The following SFRP2 variants were observed in gnomAD, a reference collection of about 807,000 sequenced individuals.
The protein encoded by SFRP2 is secreted frizzled-related protein 2.
SFRP2 carries 16 observed loss-of-function variants against 26.0 expected under a neutral mutation model. The observed-to-expected ratio is 0.61, with a 90% CI of 0.42 to 0.93. The LOEUF is 0.93. Among genes scored for constraint, SFRP2 ranks in the 40% least tolerant of loss-of-function variants. The probability of loss-of-function intolerance (pLI) is 0.00; values close to 1 mark genes in which losing one functional copy is unlikely to be tolerated. For missense variants in SFRP2, 343 were observed against 392.4 expected (o/e 0.87, Z 1.06); for synonymous variants, 173 against 167.3 (o/e 1.03, Z -0.26).
chr4:153,787,836 T>C (rs983707548), intron 1 of SFRP2, among the ~76,000 whole-genome samples: 3 of 152,178 alleles, frequency 2.0e-5, no homozygotes, highest in Admixed American at 1.3e-4. Context: ...TGCATCCTGG[T>C]TTTCCTTTCT....
chr4:153,781,434 C>A lies in SFRP2; in HGVS notation c.*17G>T. The A allele has an allele frequency of 1.2e-6, 2 of 1,604,074 alleles. No homozygotes were observed. Among genetic ancestry groups the A allele is most frequent in the South Asian group, 1.1e-5 (1 of 90,582 alleles). ...GTGCTCTGGAGCAGGCCTGTCGGAGCCATCAGGATGCCGGGACTAGCACTG... is the reference window on the plus strand; with the variant it reads ...GTGCTCTGGAGCAGGCCTGTCGGAGACATCAGGATGCCGGGACTAGCACTG... On this transcript the variant is annotated 3_prime_UTR_variant, in exon 3 of 3. Transcript: ENST00000274063.
In SFRP2 at chr4:153,788,785, G is replaced by C. The variant is rs1455008597; in HGVS notation, c.51C>G (p.Cys17Trp). The C allele has an allele frequency of 6.8e-6, 11 of 1,608,378 alleles. No individual in the cohort carries two copies. The highest frequency in any genetic ancestry group is 8.5e-6 in the Non-Finnish European group (10 of 1,179,710). ...AGAGCCCGCGCGCCGAGCCCAGGCAGCAGTGCGAGGCGAGGAAGAGCAGCA... is the reference window on the plus strand; with the variant it reads ...AGAGCCCGCGCGCCGAGCCCAGGCACCAGTGCGAGGCGAGGAAGAGCAGCA... ...SLLLLFLASH[C>W]CLGSARGLFL... is the part of the protein sequence containing the mutation. The change falls in exon 1 of 3, where the codon TGC becomes TGG. Residue 17 changes from cysteine to tryptophan, a missense_variant. Physicochemically the swap from Cys to Trp is radical, Grantham distance 215. Around this residue, in one of 2 missense-constraint regions of SFRP2, gnomAD observed 251 missense variants for 253.3 expected, o/e 0.99. Transcript: ENST00000274063.
intron 2 of SFRP2, among the ~76,000 whole-genome samples, chr4:153,783,417 T>C (rs923800939): frequency 1.3e-5 from 2 of 152,216 alleles, no homozygotes; most frequent in South Asian, 4.1e-4. Flanking sequence ...TTTGTCTAGC[T>C]CTAAAATAAC....
rs1271556197 is a variant in SFRP2, at chr4:153,788,969, G to A, written c.-134C>T. 2.0e-5 allele frequency: 23 copies of A among 1,144,270 alleles called. No homozygotes were observed. The highest frequency in any genetic ancestry group is 2.4e-5 in the Non-Finnish European group (20 of 850,214). 70.9% of individuals were successfully genotyped at this position (1,144,270 alleles called of 1,614,324 possible). A position where few individuals can be genotyped will look rare whatever the true frequency, so the allele number is the denominator to read the frequency against. Reference sequence around the variant, plus strand: ...GGCCCCGAAAAGCTGGCAGCCGGCGGCTGGGGCGCGGAGAAGCGGGACACC... The same window carrying A: ...GGCCCCGAAAAGCTGGCAGCCGGCGACTGGGGCGCGGAGAAGCGGGACACC... On this transcript the variant is annotated 5_prime_UTR_variant, in exon 1 of 3. Transcript: ENST00000274063.
In SFRP2 at chr4:153,780,683, T is replaced by C. The variant is rs2127181450; in HGVS notation, c.*768A>G. On this transcript the variant is annotated 3_prime_UTR_variant, in exon 3 of 3. Coordinates refer to ENST00000274063, the MANE Select transcript of SFRP2 (RefSeq NM_003013.3). The stretch of plus-strand genomic sequence containing the variant: ...GTTAAAGCAATATTTTTACAACTTT[T>C]AAAGGTAAACTACTATGTATATTAC... 6.5e-6 allele frequency: 1 copy of C among 152,802 alleles called. No homozygotes were observed. Among genetic ancestry groups the C allele is most frequent in the Admixed American group, 6.5e-5 (1 of 15,304 alleles). The allele number at this position is 152,802 out of a possible 1,614,324, so 9.5% of individuals were successfully genotyped here.
rs1461879945 is a variant in SFRP2 at position 153,788,942 on chromosome 4, G to A, written c.-107C>T. On this transcript the variant is annotated 5_prime_UTR_variant, in exon 1 of 3. Transcript: ENST00000274063. ...CCGCTCTCTTCGCTGGGTGCGACTC[G>A]GGGCCCCGAAAAGCTGGCAGCCGGC... 9 of 1,344,036 alleles carry A rather than the reference G, an allele frequency of 6.7e-6. No homozygotes were observed. The highest frequency in any genetic ancestry group is 1.9e-6 in the Non-Finnish European group (2 of 1,028,896). 83.3% of individuals were successfully genotyped at this position (1,344,036 alleles called of 1,614,324 possible). A position where few individuals can be genotyped will look rare whatever the true frequency, so the allele number is the denominator to read the frequency against.
chr4:153,788,879 G>T lies in SFRP2; in HGVS notation c.-44C>A. ...AGGGGGCAGAGGGAGCGGAGCCGGG[G>T]AAGGGCGAGGCGGCCGGAGTTCGAG... On this transcript the variant is annotated 5_prime_UTR_variant, in exon 1 of 3. Coordinates refer to ENST00000274063, the MANE Select transcript of SFRP2 (RefSeq NM_003013.3). 1 of 1,507,932 alleles carries T rather than the reference G, an allele frequency of 6.6e-7. No homozygotes were observed. Among genetic ancestry groups the T allele is most frequent in the Non-Finnish European group, 8.8e-7 (1 of 1,133,896 alleles). 93.4% of individuals were successfully genotyped at this position (1,507,932 alleles called of 1,614,324 possible). A position where few individuals can be genotyped will look rare whatever the true frequency, so the allele number is the denominator to read the frequency against.
Position 153,787,764 on chromosome 4 carries a change from G to A in SFRP2, c.502+570C>T, listed in dbSNP as rs1195099390. On this transcript the variant is annotated intron_variant, in intron 1 of 2. Transcript: ENST00000274063. Reference sequence around the variant, plus strand: ...TTCCACACACTCCGTGCCAGTCCCGGTTTTATTTCCAAAATCTAAATTGAC... The same window carrying A: ...TTCCACACACTCCGTGCCAGTCCCGATTTTATTTCCAAAATCTAAATTGAC... Among the ~76,000 whole-genome samples the A allele has an allele frequency of 2.6e-5, 4 of 152,200 alleles. No homozygotes were observed. The East Asian group carries it at 7.7e-4, about 29-fold the overall frequency.
chr4:153,785,823 C>G, intron 2 of SFRP2, 41 bp downstream of exon 2: 2 of 1,335,354 alleles, frequency 1.5e-6, no homozygotes, highest in Non-Finnish European at 2.1e-6. Flanking sequence ...GTAAATAAAA[C>G]TTCTGAATGT....
Position 153,788,523 on chromosome 4 carries a change from CGAGGCAGACGGGG to C in SFRP2, c.300_312del (p.Pro101MetfsTer3). The C allele has an allele frequency of 6.2e-7, 1 of 1,614,150 alleles. No individual in the cohort carries two copies. Among genetic ancestry groups the C allele is most frequent in the Non-Finnish European group, 8.5e-7 (1 of 1,180,034 alleles). ...GGCTGGATGGTCTCGTCTAGGTCAT[CGAGGCAGACGGGG>C]GCGAAGAGCGAGCACAGGAACTTCT... On this transcript the variant is annotated frameshift_variant, in exon 1 of 3. Transcript: ENST00000274063. LOFTEE classifies it high-confidence loss of function.
intron 1 of SFRP2, 107 bp from the exon 2 acceptor site, chr4:153,786,051 C>A: frequency 1.8e-6 from 1 of 552,718 alleles, no homozygotes. Context: ...AGCAATTGTC[C>A]TATTTAACCT....
At position 153,788,545 on chromosome 4, in the gene SFRP2, C is replaced by G; in HGVS notation, c.291G>C (p.Ser97=). 2 of 1,614,140 alleles carry G rather than the reference C, an allele frequency of 1.2e-6. No individual in the cohort carries two copies. The highest frequency in any genetic ancestry group is 1.7e-6 in the Non-Finnish European group (2 of 1,180,032). The change falls in exon 1 of 3, where the codon TCG becomes TCC. Residue 97 remains serine, a synonymous_variant. Transcript: ENST00000274063. ...CHPDTKKFLC[S]LFAPVCLDDL... ...CATCGAGGCAGACGGGGGCGAAGAG[C>G]GAGCACAGGAACTTCTTGGTGTCCG...
chr4:153,788,032 C>T (rs1003097593), intron 1 of SFRP2, among the ~76,000 whole-genome samples: 52 of 152,186 alleles, frequency 3.4e-4, no homozygotes, highest in Admixed American at 3.4e-3. Context: ...TTTTTTTAAA[C>T]CGCCGTTCAG....
At chr4:153,784,282 A>G (rs1741166238) in intron 2 of SFRP2, among the ~76,000 whole-genome samples, 1 of 152,196 alleles carries the variant, frequency 6.6e-6, no homozygotes. Flanking sequence ...TAATGAAGTG[A>G]TGTAGCATGG....
In SFRP2 at chr4:153,788,959, G is replaced by A. The variant is rs997505950; in HGVS notation, c.-124C>T. On this transcript the variant is annotated 5_prime_UTR_variant, in exon 1 of 3. Coordinates refer to ENST00000274063, the MANE Select transcript of SFRP2 (RefSeq NM_003013.3). ...TGCGACTCGGGGCCCCGAAAAGCTG[G>A]CAGCCGGCGGCTGGGGCGCGGAGAA... 2 of 1,220,190 alleles carry A rather than the reference G, an allele frequency of 1.6e-6. No individual in the cohort carries two copies. Among genetic ancestry groups the A allele is most frequent in the African/African-American group, 1.6e-5 (1 of 62,652 alleles). The allele number at this position is 1,220,190 out of a possible 1,614,324, so 75.6% of individuals were successfully genotyped here.
At chr4:153,787,094 A>T (rs1409840914) in intron 1 of SFRP2, among the ~76,000 whole-genome samples, 1 of 152,222 alleles carries the variant, frequency 6.6e-6, no homozygotes, top group Admixed American at 6.5e-5. Context: ...GAGAAATGTA[A>T]GATGCGTAAT....
intron 2 of SFRP2, among the ~76,000 whole-genome samples, chr4:153,782,123 A>C (rs1405236738): frequency 6.6e-6 from 1 of 152,234 alleles, no homozygotes; most frequent in East Asian, 1.9e-4. Flanking sequence ...CTTAAGCATG[A>C]AAAGAAATGC....
At chr4:153,783,073 C>A (rs17030437) in intron 2 of SFRP2, among the ~76,000 whole-genome samples, 34,442 of 151,448 alleles carry the variant, frequency 0.23, 4,028 homozygotes, top group Middle Eastern at 0.29. Context: ...GCAGGTAAAT[C>A]AAAAATGCTA....
rs114815881 is a variant in SFRP2 at position 153,781,813 on chromosome 4, C to G, written c.584-58G>C. The stretch of plus-strand genomic sequence containing the variant: ...TATAATGAGGGAATACAGTATACCT[C>G]CCCCCATTCTGCCAACTCGTGTGAC... On this transcript the variant is annotated intron_variant, in intron 2 of 2. Coordinates refer to ENST00000274063, the MANE Select transcript of SFRP2 (RefSeq NM_003013.3). 14 of 1,433,968 alleles carry G rather than the reference C, an allele frequency of 9.8e-6. No individual in the cohort carries two copies. The African/African-American group carries it at 2.0e-4, about 20-fold the overall frequency. The allele number at this position is 1,433,968 out of a possible 1,614,324, so 88.8% of individuals were successfully genotyped here.
Sources: gnomAD v4.1 joint callset for allele counts (sites outside exome capture counted in the v4.1 genomes callset) on GRCh38, gnomAD v4.1.1 for gene constraint, gnomAD v4.1.1 regional missense constraint, MANE v1.5 for transcripts, NCBI Gene and HGNC (gene_info 2026-07-23, HGNC 2026-07-21) for gene names.